Variants in MED13L observed in about 807,000 individuals in gnomAD.
MED13L encodes the protein mediator of RNA polymerase II transcription subunit 13-like.
A neutral mutation model predicts 220.9 loss-of-function variants in MED13L; 7 were observed. The ratio of observed to expected loss-of-function variants is 0.03; its 90% CI spans 0.02 to 0.06. MED13L has a LOEUF of 0.06. Among genes scored for constraint, MED13L ranks in the 10% least tolerant of loss-of-function variants. MED13L has a pLI of 1.00. For synonymous variants in MED13L, 1,011 were observed against 1,015.2 expected (o/e 1.00, Z 0.08); for missense variants, 1,965 against 2,760.5 (o/e 0.71, Z 6.46).
At chr12:116,151,633 G>C (rs1878048009) in intron 2 of MED13L, among the ~76,000 whole-genome samples, 1 of 152,152 alleles carries the variant, frequency 6.6e-6, no homozygotes, top group African/African-American at 2.4e-5. Context: ...TAAATCTACA[G>C]CAAGTTTTGG....
intron 2 of MED13L, among the ~76,000 whole-genome samples, chr12:116,136,470 G>C (rs949670519): frequency 6.6e-6 from 1 of 152,286 alleles, no homozygotes; most frequent in Non-Finnish European, 1.5e-5. Flanking sequence ...GAGAGGGAGA[G>C]AGAGAGAAAG....
intron 28 of MED13L, among the ~76,000 whole-genome samples, chr12:115,968,580 T>G (rs1876362436): frequency 6.6e-6 from 1 of 152,178 alleles, no homozygotes; most frequent in African/African-American, 2.4e-5. Flanking sequence ...GTACGGTTGT[T>G]GTACTAATCT....
intron 2 of MED13L, among the ~76,000 whole-genome samples, chr12:116,196,317 G>T (rs1246537149): frequency 1.3e-5 from 2 of 152,098 alleles, no homozygotes; most frequent in Non-Finnish European, 2.9e-5. Flanking sequence ...ACACCACAGA[G>T]GTCCTCTGGG....
intron 4 of MED13L, among the ~76,000 whole-genome samples, chr12:116,078,256 A>C (rs1046429441): frequency 5.3e-5 from 8 of 152,178 alleles, no homozygotes; most frequent in African/African-American, 1.9e-4. Flanking sequence ...GGTAATTCTA[A>C]ATGCCAGTCT....
chr12:115,989,194 G>A (rs921455068), intron 17 of MED13L, among the ~76,000 whole-genome samples: 8 of 152,092 alleles, frequency 5.3e-5, no homozygotes, highest in Admixed American at 4.6e-4. Context: ...TTCAGAAGCC[G>A]GGTTCGCACA....
chr12:115,977,243 C>A (rs1877000708), intron 23 of MED13L, among the ~76,000 whole-genome samples: 3 of 152,122 alleles, frequency 2.0e-5, no homozygotes, highest in Admixed American at 2.0e-4. Flanking sequence ...AGTTGCTGAC[C>A]CCTGAACTAC....
chr12:115,969,146 C>T (rs2137217157), intron 27 of MED13L, 49 bp from the exon 28 acceptor site: 1 of 1,577,976 alleles, frequency 6.3e-7, no homozygotes, highest in South Asian at 1.1e-5. Context: ...AGATAGTCCA[C>T]ATATCAATAT....
chr12:116,066,723 C>A, intron 4 of MED13L, among the ~76,000 whole-genome samples: 1 of 151,378 alleles, frequency 6.6e-6, no homozygotes, highest in Non-Finnish European at 1.5e-5. Context: ...TACAGAGGAC[C>A]CCTAACTTGT....
At chr12:116,198,518 T>A (rs1881794111) in intron 2 of MED13L, among the ~76,000 whole-genome samples, 1 of 152,200 alleles carries the variant, frequency 6.6e-6, no homozygotes, top group Non-Finnish European at 1.5e-5. Flanking sequence ...TCTGACCCCC[T>A]ACAGAAGTTT....
At position 116,022,495 on chromosome 12, in the gene MED13L, G is replaced by A. The variant is rs1880119221; in HGVS notation, c.586C>T (p.His196Tyr). 6.2e-7 allele frequency: 1 copy of A among 1,613,780 alleles called. No individual in the cohort carries two copies. Among genetic ancestry groups the A allele is most frequent in the African/African-American group, 1.3e-5 (1 of 75,026 alleles). ...HQPIYLINEE[H>Y]IHMAQSSPAP... ...GGTGAAGACTGAGCCATGTGTATAT[G>A]CTCCTCATTGATCAAATAAATTGGC... Residue 196 changes from histidine to tyrosine, a missense_variant, in exon 5 of 31, where the codon CAT becomes TAT. Physicochemically the swap from His to Tyr is moderately conservative, Grantham distance 83. Transcript: ENST00000281928.
At chr12:115,993,088 T>G (rs909807396) in intron 16 of MED13L, among the ~76,000 whole-genome samples, 7 of 152,148 alleles carry the variant, frequency 4.6e-5, no homozygotes, top group African/African-American at 1.7e-4. Context: ...GCATTACAAG[T>G]AATCCAGAGA....
chr12:116,140,388 T>C (rs1414820814), intron 2 of MED13L, among the ~76,000 whole-genome samples: 2 of 152,214 alleles, frequency 1.3e-5, no homozygotes, highest in Admixed American at 6.5e-5. Flanking sequence ...TGAATCTATC[T>C]TCAGGATTCA....
At chr12:116,012,544 A>T (rs1174384028) in intron 9 of MED13L, among the ~76,000 whole-genome samples, 2 of 152,214 alleles carry the variant, frequency 1.3e-5, no homozygotes, top group Non-Finnish European at 2.9e-5. Context: ...TGTCAAACTG[A>T]TGCCTTTAGT....
intron 3 of MED13L, among the ~76,000 whole-genome samples, chr12:116,105,698 C>T (rs1195102370): frequency 2.0e-5 from 3 of 152,128 alleles, no homozygotes; most frequent in Admixed American, 1.3e-4. Flanking sequence ...ATTACAGTAA[C>T]AGAACGGGAA....
At chr12:116,176,087 G>A (rs1357853296) in intron 2 of MED13L, among the ~76,000 whole-genome samples, 1 of 152,104 alleles carries the variant, frequency 6.6e-6, no homozygotes, top group Non-Finnish European at 1.5e-5. Flanking sequence ...GAAAAAAAGT[G>A]GATCAGGAAT....
chr12:116,156,572 T>C (rs905212587), intron 2 of MED13L, among the ~76,000 whole-genome samples: 2 of 152,148 alleles, frequency 1.3e-5, no homozygotes, highest in African/African-American at 4.8e-5. Flanking sequence ...ACCACAAGTA[T>C]CAATGCATCA....
intron 17 of MED13L, among the ~76,000 whole-genome samples, chr12:115,987,887 AC>A (rs1445549374): frequency 1.3e-5 from 2 of 152,190 alleles, no homozygotes; most frequent in African/African-American, 4.8e-5. Flanking sequence ...AATGCAGATG[AC>A]TTTAGTCCCA....
At chr12:116,142,016 G>C (rs1356531834) in intron 2 of MED13L, among the ~76,000 whole-genome samples, 1 of 151,794 alleles carries the variant, frequency 6.6e-6, no homozygotes, top group Non-Finnish European at 1.5e-5. Flanking sequence ...TGTATTTACT[G>C]TTCTCTCTCC....
At chr12:116,102,726 T>TC (rs1873193427) in intron 3 of MED13L, among the ~76,000 whole-genome samples, 1 of 124,118 alleles carries the variant, frequency 8.1e-6, no homozygotes, top group Non-Finnish European at 1.7e-5. Flanking sequence ...TTTTTTTTTT[T>TC]TTTTTTTTTT....
Sources: allele counts gnomAD v4.1 joint callset (sites outside exome capture counted in the v4.1 genomes callset), GRCh38; gene constraint gnomAD v4.1.1; transcripts MANE v1.5; gene names NCBI Gene and HGNC (gene_info 2026-07-23, HGNC 2026-07-21).